Variants in ERICH6B observed in about 807,000 individuals in gnomAD.
ERICH6B encodes the protein glutamate-rich protein 6B.
A neutral mutation model predicts 80.0 loss-of-function variants in ERICH6B; 69 were observed. That is an observed-to-expected ratio of 0.86 (90% confidence interval 0.71 to 1.05). The LOEUF (loss-of-function observed/expected upper bound fraction) is 1.05, where lower values mean the gene tolerates loss of function less well. Ranked by LOEUF, ERICH6B falls within the 50% of genes least tolerant of loss-of-function variation. ERICH6B has a pLI of 0.00. For missense variants in ERICH6B, 754 were observed against 796.1 expected, an observed-to-expected ratio of 0.95 and a Z score of 0.64; for synonymous variants, 283 against 291.9, an observed-to-expected ratio of 0.97 and a Z score of 0.31.
intron 5 of ERICH6B, among the ~76,000 whole-genome samples, chr13:45,583,108 A>G (rs1225423077): frequency 1.3e-5 from 2 of 152,196 alleles, no homozygotes; most frequent in South Asian, 2.1e-4. Context: ...CTTTTCACCA[A>G]TCTTTAGTTC....
chr13:45,580,792 A>T lies in ERICH6B; in HGVS notation c.857-127T>A, dbSNP rs1392538646. 11 of 873,570 alleles carry T rather than the reference A, an allele frequency of 1.3e-5. No individual in the cohort carries two copies. In the Admixed American group the frequency reaches 2.1e-4, roughly 17 times the overall value. 54.1% of individuals were successfully genotyped at this position (873,570 alleles called of 1,614,324 possible). On this transcript the variant is annotated intron_variant, in intron 5 of 14. Coordinates refer to ENST00000298738, the MANE Select transcript of ERICH6B (RefSeq NM_182542.3). ...CAAGGCTGGTCAACAGTTGGGGGGAACTGAGGCTGGCGGCACAGCTGGCAT... is the reference window on the plus strand; with the variant it reads ...CAAGGCTGGTCAACAGTTGGGGGGATCTGAGGCTGGCGGCACAGCTGGCAT...
chr13:45,577,224 A>C (rs1875443648), intron 7 of ERICH6B, among the ~76,000 whole-genome samples: 1 of 150,898 alleles, frequency 6.6e-6, no homozygotes, highest in Non-Finnish European at 1.5e-5. Flanking sequence ...ATGCTAGCAC[A>C]CACTGTTCCC....
Position 45,581,182 on chromosome 13 carries a change from A to T in ERICH6B, c.857-517T>A, listed in dbSNP as rs1431552325. On this transcript the variant is annotated intron_variant, in intron 5 of 14. Coordinates refer to ENST00000298738, the MANE Select transcript of ERICH6B (RefSeq NM_182542.3). ...AGATCTGCTAAGATTTGCAATGGGA[A>T]GCTACTGTATATATATATTTAGGAC... Among the ~76,000 whole-genome samples, 3 of 152,230 alleles carry T rather than the reference A, an allele frequency of 2.0e-5. No individual in the cohort carries two copies. The East Asian group carries it at 5.8e-4, about 29-fold the overall frequency.
intron 5 of ERICH6B, 71 bp downstream of exon 5, chr13:45,586,992 G>T: frequency 1.4e-6 from 2 of 1,449,558 alleles, no homozygotes; most frequent in South Asian, 1.4e-5. Flanking sequence ...TATTTCACAT[G>T]CACAAAACCA....
At chr13:45,577,589 C>A (rs1875473835) in intron 7 of ERICH6B, among the ~76,000 whole-genome samples, 1 of 151,952 alleles carries the variant, frequency 6.6e-6, no homozygotes, top group Non-Finnish European at 1.5e-5. Context: ...TATTCCAGTG[C>A]CTCTCCTCTA....
chr13:45,549,924 C>G lies in ERICH6B; in HGVS notation c.1615G>C (p.Ala539Pro). 6.4e-7 allele frequency: 1 copy of G among 1,551,448 alleles called. No homozygotes were observed. Among genetic ancestry groups the G allele is most frequent in the Non-Finnish European group, 8.7e-7 (1 of 1,146,952 alleles). The change falls in exon 13 of 15, where the codon GCT becomes CCT. Residue 539 changes from alanine to proline, a missense_variant. Ala to Pro is a conservative substitution (Grantham distance 27). Coordinates refer to ENST00000298738, the MANE Select transcript of ERICH6B (RefSeq NM_182542.3). ...TCACTATTTTCATCATAGAAGGTAG[C>G]ATTGCCTGAGTTGTTGATAAGGGCC... is the stretch of plus-strand genomic sequence containing the variant. ...IRALINNSGN[A>P]TFYDENSDIW...
At chr13:45,551,301 A>G (rs957988888) in intron 11 of ERICH6B, among the ~76,000 whole-genome samples, 2 of 152,142 alleles carry the variant, frequency 1.3e-5, no homozygotes, top group African/African-American at 4.8e-5. Context: ...ATTTCTGCTT[A>G]TATCATTATC....
rs951110296 is a variant in ERICH6B at position 45,561,282 on chromosome 13, C to T, written c.1407+87G>A. 112 of 1,319,776 alleles carry T rather than the reference C, an allele frequency of 8.5e-5. 1 individual carries two copies. The Middle Eastern group carries it at 9.5e-4, about 11-fold the overall frequency. 81.8% of individuals were successfully genotyped at this position (1,319,776 alleles called of 1,614,324 possible). A position where few individuals can be genotyped will look rare whatever the true frequency, so the allele number is the denominator to read the frequency against. On this transcript the variant is annotated intron_variant, in intron 11 of 14. Transcript: ENST00000298738. Reference sequence around the variant, plus strand: ...TGTTTACATTGTGTGTTGTTCCTTACAGCTCTCTGGTGGTGTATGCACACC... The same window carrying T: ...TGTTTACATTGTGTGTTGTTCCTTATAGCTCTCTGGTGGTGTATGCACACC...
chr13:45,546,816 A>G (rs1218565154), intron 13 of ERICH6B, among the ~76,000 whole-genome samples: 2 of 152,158 alleles, frequency 1.3e-5, no homozygotes, highest in African/African-American at 4.8e-5. Context: ...GGTGGCTCAG[A>G]GGCCTGCTAT....
chr13:45,589,213 A>G (rs1876055823), intron 4 of ERICH6B, among the ~76,000 whole-genome samples: 1 of 152,126 alleles, frequency 6.6e-6, no homozygotes, highest in Non-Finnish European at 1.5e-5. Context: ...GGAGGCCCAG[A>G]TCTGGCCCCT....
At chr13:45,602,387 T>C (rs1487047502) in intron 2 of ERICH6B, among the ~76,000 whole-genome samples, 1 of 152,212 alleles carries the variant, frequency 6.6e-6, no homozygotes, top group African/African-American at 2.4e-5. Flanking sequence ...AAATGTAAGA[T>C]AGCCTGTGCT....
intron 14 of ERICH6B, among the ~76,000 whole-genome samples, chr13:45,542,129 C>G (rs1374171647): frequency 1.3e-5 from 2 of 152,168 alleles, no homozygotes; most frequent in African/African-American, 2.4e-5. Flanking sequence ...AGATGAAGGC[C>G]TGGCCCAGGG....
chr13:45,546,440 G>A (rs1873993191), intron 13 of ERICH6B, among the ~76,000 whole-genome samples: 3 of 152,182 alleles, frequency 2.0e-5, no homozygotes, highest in South Asian at 4.1e-4. Flanking sequence ...AGGGTGTGGC[G>A]ATGTACTACA....
intron 13 of ERICH6B, among the ~76,000 whole-genome samples, chr13:45,549,279 T>C (rs1290565796): frequency 6.9e-6 from 1 of 145,040 alleles, no homozygotes; most frequent in East Asian, 2.0e-4. Flanking sequence ...GCAGACTCCG[T>C]CACAAAAAAA....
chr13:45,556,404 A>T (rs1466825308), intron 11 of ERICH6B, among the ~76,000 whole-genome samples: 1 of 151,554 alleles, frequency 6.6e-6, no homozygotes, highest in Non-Finnish European at 1.5e-5. Flanking sequence ...AATTACTCTA[A>T]TTTTTTTTCC....
At chr13:45,590,114 G>T (rs1433745023) in intron 4 of ERICH6B, among the ~76,000 whole-genome samples, 2 of 151,994 alleles carry the variant, frequency 1.3e-5, no homozygotes, top group African/African-American at 4.8e-5. Flanking sequence ...CAAGGACAAA[G>T]CTTGTGACCC....
intron 8 of ERICH6B, among the ~76,000 whole-genome samples, chr13:45,573,283 T>C (rs1875252789): frequency 6.6e-6 from 1 of 152,164 alleles, no homozygotes; most frequent in African/African-American, 2.4e-5. Flanking sequence ...TTCCAAAATA[T>C]GTTATTAAGG....
At chr13:45,560,682 T>C (rs1874634967) in intron 11 of ERICH6B, among the ~76,000 whole-genome samples, 1 of 152,252 alleles carries the variant, frequency 6.6e-6, no homozygotes, top group Non-Finnish European at 1.5e-5. Context: ...CTTTGTCTTT[T>C]CCAGAATGTC....
At chr13:45,604,993 C>T (rs1949849209) in intron 2 of ERICH6B, among the ~76,000 whole-genome samples, 1 of 152,146 alleles carries the variant, frequency 6.6e-6, no homozygotes, top group Admixed American at 6.5e-5. Context: ...CTGGGCCAAG[C>T]TTTTGAGGCC....
Sources: gnomAD v4.1 joint callset for allele counts (sites outside exome capture counted in the v4.1 genomes callset) on GRCh38, gnomAD v4.1.1 for gene constraint, MANE v1.5 for transcripts, NCBI Gene and HGNC (gene_info 2026-07-23, HGNC 2026-07-21) for gene names.